Variants in RABGAP1L observed in about 807,000 individuals in gnomAD.
RABGAP1L encodes rab GTPase-activating protein 1-like.
Under a neutral mutation model 137.7 loss-of-function variants are expected in RABGAP1L, and 63 were observed. That is an observed-to-expected ratio of 0.46 (90% CI 0.37 to 0.56). The LOEUF (loss-of-function observed/expected upper bound fraction) is 0.56, where lower values mean the gene tolerates loss of function less well. RABGAP1L is among the 20% of genes least tolerant of loss of function. The pLI, the probability that RABGAP1L is intolerant of heterozygous loss-of-function variation, is 0.00. For missense variants in RABGAP1L, 1,095 were observed against 1,244.0 expected (o/e 0.88, Z 1.80); for synonymous variants, 431 against 433.7 (o/e 0.99, Z 0.08).
chr1:174,638,828 T>C (rs1454771064), intron 14 of RABGAP1L, among the ~76,000 whole-genome samples: 22 of 144,340 alleles, frequency 1.5e-4, no homozygotes, highest in Admixed American at 6.4e-4. Flanking sequence ...TAGGTGGGAA[T>C]TGAACAATGA....
At chr1:174,413,360 T>G (rs376655539) in intron 13 of RABGAP1L, among the ~76,000 whole-genome samples, 30 of 152,318 alleles carry the variant, frequency 2.0e-4, no homozygotes, top group East Asian at 1.9e-3. Context: ...CTGGCTTGCT[T>G]TAGACGTTTG....
chr1:174,787,241 A>G (rs184007832), intron 18 of RABGAP1L, among the ~76,000 whole-genome samples: 30 of 151,952 alleles, frequency 2.0e-4, no homozygotes, highest in Admixed American at 6.6e-5. Context: ...TGTCTCTACT[A>G]AAAAAACAAA....
chr1:174,649,045 T>G (rs1188227337), intron 14 of RABGAP1L, among the ~76,000 whole-genome samples: 1 of 152,144 alleles, frequency 6.6e-6, no homozygotes, highest in East Asian at 1.9e-4. Context: ...TTGCTTTCCA[T>G]TTGCTTGGTA....
intron 13 of RABGAP1L, among the ~76,000 whole-genome samples, chr1:174,434,163 G>C (rs1362948861): frequency 7.5e-6 from 1 of 133,730 alleles, no homozygotes; most frequent in Admixed American, 7.2e-5. Context: ...CCTGCCTGGG[G>C]CAACTAGGGT....
At chr1:174,884,005 G>A (rs1654677821) in intron 19 of RABGAP1L, among the ~76,000 whole-genome samples, 1 of 152,118 alleles carries the variant, frequency 6.6e-6, no homozygotes, top group Non-Finnish European at 1.5e-5. Flanking sequence ...ATAGAATGGA[G>A]GAAAAATGAC....
intron 19 of RABGAP1L, chr1:174,874,500 TCTC>T (rs1652749800): frequency 2.0e-6 from 2 of 984,914 alleles, no homozygotes; most frequent in Non-Finnish European, 2.4e-6. Context: ...TTGATACTCT[TCTC>T]CTGGTAAGTT....
At position 174,231,343 on chromosome 1, in the gene RABGAP1L, A is replaced by G. The variant is rs1389446324; in HGVS notation, c.530A>G (p.Glu177Gly). 1 of 1,613,838 alleles carries G rather than the reference A, an allele frequency of 6.2e-7. No individual in the cohort carries two copies. Among genetic ancestry groups the G allele is most frequent in the Non-Finnish European group, 8.5e-7 (1 of 1,179,744 alleles). The change falls in exon 4 of 26, where the codon GAA becomes GGA. Residue 177 changes from glutamate (E) to glycine (G), a missense_variant. Coordinates refer to ENST00000681986, the MANE Select transcript of RABGAP1L (RefSeq NM_001366446.1). ...ACCCTGTATGTACCAAATGTTCCAG[A>G]AGGTTCTGTGAGGTAAGCTCTAATT... Reference protein sequence around the residue: ...PVTLYVPNVPEGSVRIIDQSS... With the variant: ...PVTLYVPNVPGGSVRIIDQSS...
At chr1:174,290,882 C>G (rs1021146023) in intron 10 of RABGAP1L, among the ~76,000 whole-genome samples, 5 of 151,904 alleles carry the variant, frequency 3.3e-5, no homozygotes, top group Admixed American at 6.6e-5. Flanking sequence ...CTGCATCAGC[C>G]TCCCGAGTAG....
intron 14 of RABGAP1L, among the ~76,000 whole-genome samples, chr1:174,674,535 C>G (rs1247761783): frequency 6.6e-6 from 1 of 151,336 alleles, no homozygotes; most frequent in Non-Finnish European, 1.5e-5. Context: ...GTGAATAGTG[C>G]CGCAATAAAC....
At chr1:174,243,463 G>A (rs1671997452) in intron 5 of RABGAP1L, among the ~76,000 whole-genome samples, 1 of 152,092 alleles carries the variant, frequency 6.6e-6, no homozygotes, top group Admixed American at 6.6e-5. Context: ...TTGTTTGAAG[G>A]AGAAATACAT....
At chr1:174,449,347 C>G (rs976061416) in intron 13 of RABGAP1L, 1 of 666,954 alleles carries the variant, frequency 1.5e-6, no homozygotes, top group East Asian at 2.8e-5. Context: ...CTTTTTTTTT[C>G]TTTTTCATGG....
intron 11 of RABGAP1L, among the ~76,000 whole-genome samples, chr1:174,323,208 C>T (rs1004981234): frequency 2.6e-5 from 4 of 151,968 alleles, no homozygotes; most frequent in South Asian, 2.1e-4. Flanking sequence ...ATTTAGTATA[C>T]GTAGATTTAT....
intron 13 of RABGAP1L, among the ~76,000 whole-genome samples, chr1:174,517,748 T>C (rs1662997330): frequency 6.6e-6 from 1 of 152,270 alleles, no homozygotes; most frequent in South Asian, 2.1e-4. Flanking sequence ...TGTTTGTCTT[T>C]AATGTATCAC....
At chr1:174,404,646 T>A (rs1037138508) in intron 13 of RABGAP1L, among the ~76,000 whole-genome samples, 1 of 152,158 alleles carries the variant, frequency 6.6e-6, no homozygotes, top group Admixed American at 6.5e-5. Flanking sequence ...GTACCTATTG[T>A]GTGTCAGGTA....
chr1:174,239,945 G>T (rs1671649249), intron 4 of RABGAP1L, among the ~76,000 whole-genome samples: 1 of 152,076 alleles, frequency 6.6e-6, no homozygotes, highest in Non-Finnish European at 1.5e-5. Context: ...AGAAAATTTT[G>T]GTAAAAATGC....
chr1:174,878,432 GT>G (rs1190472930), intron 19 of RABGAP1L, among the ~76,000 whole-genome samples: 2 of 151,988 alleles, frequency 1.3e-5, no homozygotes, highest in African/African-American at 4.8e-5. Context: ...CTCCATGTTG[GT>G]CAGGCTGGTC....
intron 18 of RABGAP1L, among the ~76,000 whole-genome samples, chr1:174,783,802 G>A (rs1300774790): frequency 1.4e-5 from 2 of 144,290 alleles, no homozygotes; most frequent in African/African-American, 5.2e-5. Context: ...TCCACCTCCC[G>A]AGTTCAAGTG....
chr1:174,336,513 G>A (rs1571277571), intron 11 of RABGAP1L, among the ~76,000 whole-genome samples: 1 of 152,212 alleles, frequency 6.6e-6, no homozygotes, highest in East Asian at 1.9e-4. Context: ...TAGTGCTTAT[G>A]TGTGGCAGGC....
rs918826758 is a variant in RABGAP1L at position 174,874,518 on chromosome 1, C to T, written c.2340+62558C>T. 3.0e-5 allele frequency: 29 copies of T among 981,772 alleles called. 2 individuals carry two copies. In the Admixed American group the frequency reaches 8.2e-4, roughly 28 times the overall value. 60.8% of individuals were successfully genotyped at this position (981,772 alleles called of 1,614,324 possible). A position where few individuals can be genotyped will look rare whatever the true frequency, so the allele number is the denominator to read the frequency against. On this transcript the variant is annotated intron_variant, in intron 19 of 25. Transcript: ENST00000681986. Reference sequence around the variant, plus strand: ...ATACTCTTCTCCTGGTAAGTTTTAGCTTCAAATGGTATTGTCCACACCACA... The same window carrying T: ...ATACTCTTCTCCTGGTAAGTTTTAGTTTCAAATGGTATTGTCCACACCACA...
Sources: allele counts gnomAD v4.1 joint callset (sites outside exome capture counted in the v4.1 genomes callset), GRCh38; gene constraint gnomAD v4.1.1; transcripts MANE v1.5; gene names NCBI Gene and HGNC (gene_info 2026-07-23, HGNC 2026-07-21).